The following CHD6 variants were observed in gnomAD, a reference collection of about 807,000 sequenced individuals.
CHD6 encodes ATP-dependent chromatin remodeler CHD6.
In CHD6, 50 loss-of-function variants were observed where a neutral mutation model predicts 276.9. The observed-to-expected ratio is 0.18, with a 90% CI of 0.14 to 0.23. The LOEUF (loss-of-function observed/expected upper bound fraction) is 0.23. Among genes scored for constraint, CHD6 ranks in the 10% least tolerant of loss-of-function variants. The pLI is 1.00. For missense variants in CHD6, 2,564 were observed against 3,365.8 expected, an observed-to-expected ratio of 0.76 and a Z score of 5.89; for synonymous variants, 1,173 against 1,229.3, an observed-to-expected ratio of 0.95 and a Z score of 0.96.
chr20:41,559,324 CCTCCT>C (rs1444653628), intron 1 of CHD6, among the ~76,000 whole-genome samples: 1 of 152,132 alleles, frequency 6.6e-6, no homozygotes, highest in Non-Finnish European at 1.5e-5. Flanking sequence ...GTATAGCTCT[CCTCCT>C]CTCAAGAAAG....
intron 28 of CHD6, among the ~76,000 whole-genome samples, 197 bp from the exon 29 acceptor site, chr20:41,425,591 C>G (rs764360321): frequency 6.6e-6 from 1 of 152,110 alleles, no homozygotes; most frequent in African/African-American, 2.4e-5. Context: ...ATGTTGTGGT[C>G]AATTAATTCT....
intron 3 of CHD6, among the ~76,000 whole-genome samples, chr20:41,522,753 T>C (rs1046136750): frequency 6.6e-6 from 1 of 152,164 alleles, no homozygotes; most frequent in African/African-American, 2.4e-5. Flanking sequence ...TATCTTGACA[T>C]ACGTCTATTC....
At chr20:41,556,138 G>A (rs9753719) in intron 1 of CHD6, among the ~76,000 whole-genome samples, 7,599 of 152,194 alleles carry the variant, frequency 0.05, 637 homozygotes, top group African/African-American at 0.18. Flanking sequence ...TGCAATCGCA[G>A]GCACTCGGCA....
chr20:41,459,764 T>A (rs1449148725), intron 17 of CHD6, among the ~76,000 whole-genome samples: 1 of 152,246 alleles, frequency 6.6e-6, no homozygotes, highest in African/African-American at 2.4e-5. Context: ...CAGTTTTGGA[T>A]ATGCCTTTAT....
intron 1 of CHD6, among the ~76,000 whole-genome samples, chr20:41,592,409 C>A (rs1297528106): frequency 6.6e-6 from 1 of 152,182 alleles, no homozygotes; most frequent in East Asian, 1.9e-4. Context: ...GTAATGTTTA[C>A]TGTCTTAAAC....
intron 3 of CHD6, among the ~76,000 whole-genome samples, chr20:41,516,699 A>G (rs1270785959): frequency 1.3e-5 from 2 of 152,088 alleles, no homozygotes; most frequent in African/African-American, 4.8e-5. Context: ...AAGTGAACAG[A>G]AGCACTATGT....
intron 1 of CHD6, among the ~76,000 whole-genome samples, chr20:41,570,145 T>A (rs1422691875): frequency 6.6e-6 from 1 of 152,204 alleles, no homozygotes; most frequent in East Asian, 1.9e-4. Context: ...CTCAAGATGT[T>A]AAATTTGAAA....
chr20:41,490,445 G>A (rs2043522768), intron 11 of CHD6, among the ~76,000 whole-genome samples: 1 of 152,192 alleles, frequency 6.6e-6, no homozygotes, highest in Admixed American at 6.5e-5. Flanking sequence ...TAACACCATA[G>A]TAAGTATTTG....
intron 1 of CHD6, among the ~76,000 whole-genome samples, chr20:41,617,832 A>C (rs2045948692): frequency 6.7e-6 from 1 of 150,234 alleles, no homozygotes; most frequent in Non-Finnish European, 1.5e-5. Flanking sequence ...CCACCCCTGC[A>C]AACAGACGCA....
At chr20:41,605,285 G>A (rs951261535) in intron 1 of CHD6, among the ~76,000 whole-genome samples, 1 of 152,124 alleles carries the variant, frequency 6.6e-6, no homozygotes, top group African/African-American at 2.4e-5. Flanking sequence ...AAGATAGAAA[G>A]GACTATAAAT....
intron 1 of CHD6, among the ~76,000 whole-genome samples, chr20:41,556,701 C>A (rs1454641507): frequency 6.6e-6 from 1 of 152,168 alleles, no homozygotes; most frequent in South Asian, 2.1e-4. Flanking sequence ...GGCACCCCAA[C>A]AGATCACAAA....
rs1569078420 is a variant in CHD6, at chr20:41,438,686, C to T, written c.4007+1314G>A. Among the ~76,000 whole-genome samples the T allele has an allele frequency of 3.9e-5, 6 of 152,202 alleles. No homozygotes were observed. In the South Asian group the frequency reaches 8.3e-4, roughly 21 times the overall value. Reference sequence around the variant, plus strand: ...CAAGTCCTAGAGGCAAGATAAGCTCCTTGCTTTACCACTTAACCGTAGAAA... The same window carrying T: ...CAAGTCCTAGAGGCAAGATAAGCTCTTTGCTTTACCACTTAACCGTAGAAA... On this transcript the variant is annotated intron_variant, in intron 26 of 36. Transcript: ENST00000373233.
At chr20:41,470,517 G>C (rs1468241424) in intron 17 of CHD6, among the ~76,000 whole-genome samples, 1 of 152,180 alleles carries the variant, frequency 6.6e-6, no homozygotes, top group Non-Finnish European at 1.5e-5. Flanking sequence ...GAGCATTAGA[G>C]GAAGTTCAGA....
intron 1 of CHD6, among the ~76,000 whole-genome samples, chr20:41,577,320 T>C (rs1244904365): frequency 1.3e-5 from 2 of 152,220 alleles, no homozygotes; most frequent in Middle Eastern, 3.2e-3. Flanking sequence ...CTAAGATTTA[T>C]CTGGGTGGCC....
chr20:41,521,865 G>A lies in CHD6; in HGVS notation c.555-6913C>T, dbSNP rs565001841. 5.3e-4 allele frequency among the ~76,000 whole-genome samples: 80 copies of A among 152,272 alleles called. 1 individual carries two copies. The highest frequency in any genetic ancestry group is 1.6e-3 in the African/African-American group (68 of 41,564). On this transcript the variant is annotated intron_variant, in intron 3 of 36. Transcript: ENST00000373233. ...AAATAAGTTAGCTTGAAGAGCTTTCGTTGCCCAAAACTGAGACCATCTGAA... is the reference window on the plus strand; with the variant it reads ...AAATAAGTTAGCTTGAAGAGCTTTCATTGCCCAAAACTGAGACCATCTGAA...
At chr20:41,530,655 C>T (rs1313616574) in intron 3 of CHD6, among the ~76,000 whole-genome samples, 1 of 151,978 alleles carries the variant, frequency 6.6e-6, no homozygotes, top group Non-Finnish European at 1.5e-5. Context: ...ATTAAAGGAA[C>T]CAAAACAATT....
intron 2 of CHD6, among the ~76,000 whole-genome samples, chr20:41,538,218 G>A (rs1601112759): frequency 6.6e-6 from 1 of 152,316 alleles, no homozygotes; most frequent in South Asian, 2.1e-4. Flanking sequence ...AGGTGGGGTG[G>A]CATGCGCCTG....
rs538767877 is a variant in CHD6, at chr20:41,464,838, T to C, written c.2665-7410A>G. 1.5e-4 allele frequency among the ~76,000 whole-genome samples: 23 copies of C among 152,210 alleles called. 1 individual carries two copies. The highest frequency in any genetic ancestry group is 4.2e-4 in the South Asian group (2 of 4,818). On this transcript the variant is annotated intron_variant, in intron 17 of 36. Coordinates refer to ENST00000373233, the MANE Select transcript of CHD6 (RefSeq NM_032221.5). The stretch of plus-strand genomic sequence containing the variant: ...ACGTGGGGGCACGAAAAATGTAACA[T>C]GGACTTGAACCGTAAGGAAGCACTC...
chr20:41,613,351 C>T (rs1314014158), intron 1 of CHD6, among the ~76,000 whole-genome samples: 1 of 152,198 alleles, frequency 6.6e-6, no homozygotes, highest in Non-Finnish European at 1.5e-5. Flanking sequence ...AAATGTCAGG[C>T]ACATTTGCCA....
Sources: gnomAD v4.1 joint callset for allele counts (sites outside exome capture counted in the v4.1 genomes callset) on GRCh38, gnomAD v4.1.1 for gene constraint, MANE v1.5 for transcripts, NCBI Gene and HGNC (gene_info 2026-07-23, HGNC 2026-07-21) for gene names.